Variants in LHX8 observed in about 807,000 individuals in gnomAD.
LHX8 encodes LIM homeobox 8, also known as LIM/homeobox protein Lhx8.
Under a neutral mutation model 40.3 loss-of-function variants are expected in LHX8, and 12 were observed. The observed-to-expected ratio is 0.30, with a 90% CI of 0.19 to 0.48. LHX8 has a LOEUF of 0.48. LHX8 is among the 20% of genes least tolerant of loss of function. The pLI is 0.99. For missense variants in LHX8, 344 were observed against 433.7 expected (o/e 0.79, Z 1.84); for synonymous variants, 179 against 162.0 (o/e 1.10, Z -0.80).
chr1:75,177,902 T>C, the LHX8 span, among the ~76,000 whole-genome samples: 10 of 152,266 alleles, frequency 6.6e-5, no homozygotes, highest in South Asian at 4.1e-4. Flanking sequence ...TGAATTTTGT[T>C]GAAGGCCTTT....
At chr1:75,172,056 T>C in the LHX8 span, among the ~76,000 whole-genome samples, 1 of 152,212 alleles carries the variant, frequency 6.6e-6, no homozygotes, top group Non-Finnish European at 1.5e-5. Context: ...CCCTGGTTCT[T>C]GCCAAAGCTT....
chr1:75,160,927 T>C lies in LHX8; in HGVS notation c.*32T>C. ...TTTCAGGGATAGACTTGATTAAGGA[T>C]ATAAATTTGTCATTTATTATGTATA... On this transcript the variant is annotated 3_prime_UTR_variant, in exon 9 of 9. Transcript: ENST00000356261. 6.9e-7 allele frequency: 1 copy of C among 1,459,490 alleles called. No individual in the cohort carries two copies. The highest frequency in any genetic ancestry group is 9.6e-7 in the Non-Finnish European group (1 of 1,039,160). 90.4% of individuals were successfully genotyped at this position (1,459,490 alleles called of 1,614,324 possible).
At chr1:75,148,103 C>T (rs1648510080) in intron 6 of LHX8, among the ~76,000 whole-genome samples, 1 of 151,992 alleles carries the variant, frequency 6.6e-6, no homozygotes, top group South Asian at 2.1e-4. Flanking sequence ...GTGCTCAAAA[C>T]TATGATGGAG....
At chr1:75,153,104 T>TG (rs1648653722) in intron 7 of LHX8, among the ~76,000 whole-genome samples, 1 of 152,008 alleles carries the variant, frequency 6.6e-6, no homozygotes, top group Admixed American at 6.6e-5. Flanking sequence ...CCTTTTTTTT[T>TG]GTTTTGTTTT....
chr1:75,154,278 A>G (rs1648695199), intron 7 of LHX8, among the ~76,000 whole-genome samples: 1 of 151,960 alleles, frequency 6.6e-6, no homozygotes, highest in South Asian at 2.1e-4. Context: ...TGTTTTTGCA[A>G]ACCTCCTTCT....
exon 1 of LHX8, chr1:75,128,477 A>G (rs1003501825): frequency 6.6e-5 from 10 of 152,226 alleles, no homozygotes; most frequent in African/African-American, 1.7e-4. Context: ...CTGGAGTGGT[A>G]AAGAACTATC....
At chr1:75,131,002 C>G (rs773265440), upstream of LHX8, 1 of 521,240 alleles carries the variant, frequency 1.9e-6, no homozygotes, top group East Asian at 3.4e-5. Context: ...AGTCCTATGG[C>G]CCACTGTACC....
chr1:75,157,048 G>A lies in LHX8; in HGVS notation c.936G>A (p.Met312Ile). 3 of 1,614,180 alleles carry A rather than the reference G, an allele frequency of 1.9e-6. No homozygotes were observed. The highest frequency in any genetic ancestry group is 1.3e-5 in the African/African-American group (1 of 75,046). The stretch of plus-strand genomic sequence containing the variant: ...CCTACGTGCCCCAAGATGGAACGAT[G>A]TTAACTGCGCTGCATAGTTATATGG... ...YSAYVPQDGT[M>I]LTALHSYMDA... Residue 312 changes from methionine to isoleucine, a missense_variant, in exon 8 of 9, where the codon ATG becomes ATA. By Grantham distance (10) the Met-to-Ile change is conservative (BLOSUM62 1). Transcript: ENST00000356261.
rs751345483 is a variant in LHX8 at position 75,137,151 on chromosome 1, C to T, written c.127C>T (p.Leu43=). The change falls in exon 3 of 9, where the codon CTG becomes TTG. Residue 43 remains leucine (L), a synonymous_variant. Coordinates refer to ENST00000356261, the MANE Select transcript of LHX8 (RefSeq NM_001256114.2). The part of the protein sequence containing the change: ...DEDSCSSSAP[L]SPSSSPRSMA... ...GGACTCGTGCTCCTCCTCGGCCCCG[C>T]TGTCCCCGTCGTCCTCGCCCCGGTC... 6.2e-7 allele frequency: 1 copy of T among 1,612,708 alleles called. No homozygotes were observed. Among genetic ancestry groups the T allele is most frequent in the South Asian group, 1.1e-5 (1 of 91,028 alleles).
chr1:75,182,057 T>C, the LHX8 span, among the ~76,000 whole-genome samples: 1 of 152,236 alleles, frequency 6.6e-6, no homozygotes, highest in African/African-American at 2.4e-5. Flanking sequence ...GGGTTCTTGG[T>C]CATGAATTCT....
the LHX8 span, among the ~76,000 whole-genome samples, chr1:75,178,659 T>A: frequency 1.3e-5 from 2 of 152,232 alleles, no homozygotes; most frequent in East Asian, 3.8e-4. Flanking sequence ...GGGTTTTCTG[T>A]GTCTCTATCT....
chr1:75,188,555 T>A, the LHX8 span, among the ~76,000 whole-genome samples: 1 of 152,262 alleles, frequency 6.6e-6, no homozygotes, highest in Middle Eastern at 3.4e-3. Context: ...TTGGGCTCCC[T>A]CCCTTGGAAC....
intron 6 of LHX8, among the ~76,000 whole-genome samples, chr1:75,145,110 G>T (rs1297867856): frequency 6.6e-6 from 1 of 151,972 alleles, no homozygotes; most frequent in Admixed American, 6.6e-5. Flanking sequence ...TCTTAATTTA[G>T]GCATAAAGTA....
At chr1:75,193,409 A>G in the LHX8 span, among the ~76,000 whole-genome samples, 31 of 152,252 alleles carry the variant, frequency 2.0e-4, no homozygotes, top group African/African-American at 7.2e-4. Context: ...TCCTATTCAA[A>G]TGTAGATTCT....
chr1:75,162,888 T>C (rs570480293), downstream of LHX8, among the ~76,000 whole-genome samples: 3 of 152,272 alleles, frequency 2.0e-5, no homozygotes, highest in East Asian at 5.8e-4. Context: ...TTACTTGAAA[T>C]TGAGTATGGT....
the LHX8 span, among the ~76,000 whole-genome samples, chr1:75,178,003 C>G: frequency 1.1e-4 from 16 of 152,140 alleles, no homozygotes; most frequent in African/African-American, 3.9e-4. Flanking sequence ...GTTGAACCAG[C>G]CTTGCATCCC....
intron 7 of LHX8, among the ~76,000 whole-genome samples, chr1:75,152,464 C>T (rs376714211): frequency 6.6e-6 from 1 of 152,188 alleles, no homozygotes; most frequent in African/African-American, 2.4e-5. Context: ...ATTGCTATTT[C>T]TTCCAATCAG....
At chr1:75,143,640 T>G (rs1648379463) in intron 5 of LHX8, among the ~76,000 whole-genome samples, 1 of 152,204 alleles carries the variant, frequency 6.6e-6, no homozygotes, top group East Asian at 1.9e-4. Context: ...TCTAACTTTT[T>G]GAACTTTTCA....
At chr1:75,177,607 A>G in the LHX8 span, among the ~76,000 whole-genome samples, 3 of 152,324 alleles carry the variant, frequency 2.0e-5, no homozygotes, top group South Asian at 4.1e-4. Flanking sequence ...ATATACGATC[A>G]TGTCATCGGC....
Sources: gnomAD v4.1 joint callset for allele counts (sites outside exome capture counted in the v4.1 genomes callset) on GRCh38, gnomAD v4.1.1 for gene constraint, MANE v1.5 for transcripts, NCBI Gene and HGNC (gene_info 2026-07-23, HGNC 2026-07-21) for gene names.